Variants in WASF3 observed in about 807,000 individuals in gnomAD.
The protein encoded by WASF3 is WASP family member 3.
A neutral mutation model predicts 46.6 loss-of-function variants in WASF3; 11 were observed. The observed-to-expected ratio is 0.24, with a 90% confidence interval of 0.15 to 0.39. The LOEUF is 0.39. Among genes scored for constraint, WASF3 ranks in the 10% least tolerant of loss-of-function variants. The pLI, the probability that WASF3 is intolerant of heterozygous loss-of-function variation, is 1.00. For missense variants in WASF3, 576 were observed against 669.8 expected, an observed-to-expected ratio of 0.86 and a Z score of 1.55; for synonymous variants, 242 against 259.7, an observed-to-expected ratio of 0.93 and a Z score of 0.65.
chr13:26,579,371 A>G (rs1879910626), intron 1 of WASF3, among the ~76,000 whole-genome samples: 1 of 152,082 alleles, frequency 6.6e-6, no homozygotes, highest in South Asian at 2.1e-4. Context: ...TTTGCTTACC[A>G]TTAGTTAATT....
chr13:26,636,694 A>G (rs947667164), intron 2 of WASF3, among the ~76,000 whole-genome samples: 3 of 152,196 alleles, frequency 2.0e-5, no homozygotes, highest in African/African-American at 7.2e-5. Context: ...CTGCTGGGTC[A>G]TACAGCCTTA....
chr13:26,633,134 C>A (rs377166829), intron 2 of WASF3, among the ~76,000 whole-genome samples: 2 of 148,022 alleles, frequency 1.4e-5, no homozygotes, highest in African/African-American at 4.9e-5. Flanking sequence ...CTCCTGGATT[C>A]ATTGATTTTT....
intron 2 of WASF3, among the ~76,000 whole-genome samples, chr13:26,633,532 G>C (rs1033914254): frequency 1.3e-5 from 2 of 152,070 alleles, no homozygotes; most frequent in Non-Finnish European, 2.9e-5. Context: ...CCTTCTGCTA[G>C]CATTTGAATT....
intron 1 of WASF3, among the ~76,000 whole-genome samples, chr13:26,604,568 G>A (rs1000298276): frequency 3.6e-4 from 55 of 152,106 alleles, no homozygotes; most frequent in African/African-American, 7.2e-5. Context: ...AAAAATAAAT[G>A]TATTTGAAGA....
rs1022009817 is a variant in WASF3 at position 26,574,198 on chromosome 13, C to T, written c.-109+16379C>T. ...GTTCAAGAAGCTATATTCTCTGTTACCAGAGTGGAGTGCTGTCTCTCTCTC... is the reference window on the plus strand; with the variant it reads ...GTTCAAGAAGCTATATTCTCTGTTATCAGAGTGGAGTGCTGTCTCTCTCTC... On this transcript the variant is annotated intron_variant, in intron 1 of 9. Transcript: ENST00000335327. Among the ~76,000 whole-genome samples the T allele has an allele frequency of 4.6e-5, 7 of 152,300 alleles. No homozygotes were observed. In the East Asian group the frequency reaches 9.6e-4, roughly 21 times the overall value.
At chr13:26,564,935 T>G (rs143772746) in intron 1 of WASF3, among the ~76,000 whole-genome samples, 1 of 149,508 alleles carries the variant, frequency 6.7e-6, no homozygotes, top group African/African-American at 2.5e-5. Flanking sequence ...CCTGTTTTGT[T>G]ACATAGTCCT....
chr13:26,677,265 T>C (rs571006299), intron 7 of WASF3, among the ~76,000 whole-genome samples: 41 of 152,368 alleles, frequency 2.7e-4, no homozygotes, highest in African/African-American at 8.2e-4. Flanking sequence ...TAAAAATTTA[T>C]TAGCAGTTAA....
At chr13:26,557,237 A>G (rs1458759183), upstream of WASF3, among the ~76,000 whole-genome samples, 1 of 152,220 alleles carries the variant, frequency 6.6e-6, no homozygotes, top group East Asian at 1.9e-4. Context: ...ACAGGGCTAC[A>G]GTCCTCTCAG....
At chr13:26,602,961 G>A (rs1044527435) in intron 1 of WASF3, among the ~76,000 whole-genome samples, 4 of 152,168 alleles carry the variant, frequency 2.6e-5, no homozygotes, top group Non-Finnish European at 5.9e-5. Context: ...GATCTAACCC[G>A]TTGGTATCCA....
At chr13:26,645,925 C>G (rs984637609) in intron 3 of WASF3, among the ~76,000 whole-genome samples, 5 of 152,094 alleles carry the variant, frequency 3.3e-5, no homozygotes, top group Admixed American at 2.6e-4. Flanking sequence ...TGAAAACCAG[C>G]CTTTTGAAAG....
Position 26,688,063 on chromosome 13 carries a change from T to C in WASF3, c.*2218T>C, listed in dbSNP as rs1470697607. The C allele has an allele frequency of 6.6e-6, 1 of 152,212 alleles. No individual in the cohort carries two copies. The highest frequency in any genetic ancestry group is 1.5e-5 in the Non-Finnish European group (1 of 68,040). 9.4% of individuals were successfully genotyped at this position (152,212 alleles called of 1,614,324 possible). On this transcript the variant is annotated 3_prime_UTR_variant, in exon 10 of 10. Coordinates refer to ENST00000335327, the MANE Select transcript of WASF3 (RefSeq NM_006646.6). ...AATCAACAAGTTATTTTCAACTCAA[T>C]TTTATGACTTGCGAAAAAGCTTTTG...
chr13:26,575,156 C>G (rs1277104225), intron 1 of WASF3, among the ~76,000 whole-genome samples: 1 of 152,008 alleles, frequency 6.6e-6, no homozygotes, highest in African/African-American at 2.4e-5. Context: ...TATTTTTAAC[C>G]TATCTTTTTA....
At chr13:26,568,076 CG>C (rs1879525626) in intron 1 of WASF3, among the ~76,000 whole-genome samples, 2 of 151,868 alleles carry the variant, frequency 1.3e-5, no homozygotes, top group Non-Finnish European at 2.9e-5. Context: ...TAGGGGGATG[CG>C]TAGTGACAGA....
chr13:26,656,705 A>G (rs1882477267), intron 3 of WASF3, among the ~76,000 whole-genome samples: 1 of 152,136 alleles, frequency 6.6e-6, no homozygotes, highest in Admixed American at 6.5e-5. Flanking sequence ...TTAATATACA[A>G]ATATATCCCA....
At position 26,681,257 on chromosome 13, in the gene WASF3, C is replaced by A. The variant is rs145147553; in HGVS notation, c.920C>A (p.Pro307Gln). The A allele has an allele frequency of 4.0e-5, 64 of 1,613,386 alleles. No homozygotes were observed. The highest frequency in any genetic ancestry group is 3.3e-4 in the Admixed American group (20 of 59,990). The change falls in exon 8 of 10, where the codon CCG becomes CAG. Residue 307 changes from proline to glutamine, a missense_variant. Around this residue, in one of 3 missense-constraint regions of WASF3, gnomAD observed 295 missense variants for 291.5 expected, o/e 1.01. Transcript: ENST00000335327. ...AACAGACCTCAGCAGCCGCCCCCCC[C>A]GCCTCCCCCTCAGGCCCCAGAGGGG... is the stretch of plus-strand genomic sequence containing the variant. ...ALNRPQQPPP[P>Q]PPPQAPEGSQ...
intron 1 of WASF3, among the ~76,000 whole-genome samples, chr13:26,599,446 C>T (rs772702931): frequency 6.6e-6 from 1 of 152,144 alleles, no homozygotes; most frequent in Non-Finnish European, 1.5e-5. Flanking sequence ...CTAGGGACTT[C>T]ACAGGTGCCT....
At chr13:26,575,604 A>G (rs1879774010) in intron 1 of WASF3, among the ~76,000 whole-genome samples, 1 of 152,244 alleles carries the variant, frequency 6.6e-6, no homozygotes, top group African/African-American at 2.4e-5. Context: ...CCCTCAGGAA[A>G]GATACATGTG....
At chr13:26,657,449 T>TTA (rs1233419595) in intron 3 of WASF3, among the ~76,000 whole-genome samples, 1 of 152,250 alleles carries the variant, frequency 6.6e-6, no homozygotes, top group Non-Finnish European at 1.5e-5. Flanking sequence ...CCGCCATCAC[T>TTA]TATATATAAA....
chr13:26,570,572 A>C (rs2137152782), intron 1 of WASF3, among the ~76,000 whole-genome samples: 1 of 151,950 alleles, frequency 6.6e-6, no homozygotes, highest in Non-Finnish European at 1.5e-5. Flanking sequence ...GCTTTTTTTC[A>C]CTTAAAATAT....
Sources: allele counts gnomAD v4.1 joint callset (sites outside exome capture counted in the v4.1 genomes callset), GRCh38; gene constraint gnomAD v4.1.1; regional missense constraint gnomAD v4.1.1; transcripts MANE v1.5; gene names NCBI Gene and HGNC (gene_info 2026-07-23, HGNC 2026-07-21).